OCLN: variants seen among roughly 807,000 people sequenced by gnomAD.
OCLN encodes the protein phosphatase 1, regulatory subunit 115.
In OCLN, 21 loss-of-function variants were observed where a neutral mutation model predicts 47.9. The ratio of observed to expected loss-of-function variants is 0.44; its 90% CI spans 0.31 to 0.63. The LOEUF is 0.63. Among genes scored for constraint, OCLN ranks in the 30% least tolerant of loss-of-function variants. The pLI is 0.08. For missense variants in OCLN, 360 were observed against 571.0 expected, an observed-to-expected ratio of 0.63 and a Z score of 3.77; for synonymous variants, 117 against 198.4, an observed-to-expected ratio of 0.59 and a Z score of 3.45.
At chr5:69,523,675 A>G (rs963811976) in intron 4 of OCLN, among the ~76,000 whole-genome samples, 20 of 151,980 alleles carry the variant, frequency 1.3e-4, no homozygotes, top group Non-Finnish European at 2.6e-4. Context: ...AGCTGGGATT[A>G]CAGGCATGTG....
intron 1 of OCLN, among the ~76,000 whole-genome samples, chr5:69,496,557 T>TA (rs1768298150): frequency 6.7e-6 from 1 of 150,170 alleles, no homozygotes; most frequent in Non-Finnish European, 1.5e-5. Flanking sequence ...TTTCTTTTTT[T>TA]ATACTTTTTT....
Position 69,509,611 on chromosome 5 carries a change from G to A in OCLN, c.521G>A (p.Ser174Asn), listed in dbSNP as rs1474472582. 2 of 1,614,202 alleles carry A rather than the reference G, an allele frequency of 1.2e-6. No individual in the cohort carries two copies. Among genetic ancestry groups the A allele is most frequent in the Non-Finnish European group, 1.7e-6 (2 of 1,180,026 alleles). The part of the protein sequence containing the change: ...EMSRTRRYYL[S>N]VIIVSAILGI... ...TCCAGAACAAGAAGATACTACTTAA[G>A]TGTGATAATAGTGAGTGCTATCCTG... Residue 174 changes from serine (S) to asparagine (N), a missense_variant, in exon 3 of 9, where the codon AGT becomes AAT. Physicochemically the swap from Ser to Asn is conservative, Grantham distance 46 (BLOSUM62 1). This residue lies in a region of OCLN where 314 missense variants were observed against 368.1 expected (regional missense o/e 0.85). Transcript: ENST00000396442.
intron 1 of OCLN, among the ~76,000 whole-genome samples, chr5:69,503,013 T>C (rs1160077141): frequency 1.3e-5 from 2 of 152,220 alleles, no homozygotes; most frequent in Non-Finnish European, 2.9e-5. Context: ...CTTGAGCATA[T>C]TACTTCACAT....
intron 3 of OCLN, among the ~76,000 whole-genome samples, chr5:69,513,427 GAT>G: frequency 6.6e-6 from 1 of 152,312 alleles, no homozygotes; most frequent in East Asian, 1.9e-4. Flanking sequence ...TTTTTGGTAA[GAT>G]AGAGATCTAT....
Position 69,509,315 on chromosome 5 carries a change from G to T in OCLN, c.225G>T (p.Met75Ile). 3.1e-6 allele frequency: 5 copies of T among 1,614,202 alleles called. No homozygotes were observed. The highest frequency in any genetic ancestry group is 4.2e-6 in the Non-Finnish European group (5 of 1,180,028). The change falls in exon 3 of 9, where the codon ATG (methionine) becomes ATT (isoleucine). Residue 75 changes from methionine (M) to isoleucine (I), a missense_variant. By Grantham distance (10) the Met-to-Ile change is conservative. This residue lies in a region of OCLN where 314 missense variants were observed against 368.1 expected (regional missense o/e 0.85). Transcript: ENST00000396442. Reference protein sequence around the residue: ...IRILSMLIIVMCIAIFACVAS... With the variant: ...IRILSMLIIVICIAIFACVAS... ...TCCTGTCTATGCTCATTATTGTGAT[G>T]TGCATTGCCATCTTTGCCTGTGTGG...
At chr5:69,494,975 T>C (rs1475761366) in intron 1 of OCLN, among the ~76,000 whole-genome samples, 2 of 152,218 alleles carry the variant, frequency 1.3e-5, no homozygotes, top group African/African-American at 4.8e-5. Context: ...CTAGTAACTG[T>C]AGCCTGATAC....
intron 1 of OCLN, among the ~76,000 whole-genome samples, chr5:69,501,405 G>A (rs1236777307): frequency 6.6e-6 from 1 of 151,990 alleles, no homozygotes; most frequent in Non-Finnish European, 1.5e-5. Context: ...CAAGGCAGGT[G>A]GATAGCTTGA....
At chr5:69,518,896 C>T (rs1317112291) in intron 4 of OCLN, among the ~76,000 whole-genome samples, 1 of 152,116 alleles carries the variant, frequency 6.6e-6, no homozygotes, top group African/African-American at 2.4e-5. Flanking sequence ...AATCCCAGTA[C>T]TTGCGAGGCC....
intron 4 of OCLN, among the ~76,000 whole-genome samples, chr5:69,523,578 C>T (rs973303511): frequency 6.6e-6 from 1 of 151,138 alleles, no homozygotes; most frequent in Non-Finnish European, 1.5e-5. Context: ...CTCTGTCACA[C>T]AGGCTAGAGT....
intron 4 of OCLN, among the ~76,000 whole-genome samples, chr5:69,524,121 T>G (rs1411113054): frequency 6.6e-6 from 1 of 152,182 alleles, no homozygotes; most frequent in Non-Finnish European, 1.5e-5. Flanking sequence ...CACTTCAGGC[T>G]GGGTGACAAA....
intron 1 of OCLN, among the ~76,000 whole-genome samples, chr5:69,495,194 C>CT (rs1261264034): frequency 6.6e-6 from 1 of 152,138 alleles, no homozygotes; most frequent in African/African-American, 2.4e-5. Flanking sequence ...ATTAATGGAT[C>CT]TTTTTCATCA....
chr5:69,521,075 G>A (rs993941781), intron 4 of OCLN, among the ~76,000 whole-genome samples: 16 of 151,760 alleles, frequency 1.1e-4, no homozygotes, highest in African/African-American at 3.9e-4. Flanking sequence ...GACCTCAGGC[G>A]ATCCACCCGC....
chr5:69,523,818 A>G (rs1769207446), intron 4 of OCLN, among the ~76,000 whole-genome samples: 1 of 151,256 alleles, frequency 6.6e-6, no homozygotes, highest in Non-Finnish European at 1.5e-5. Flanking sequence ...TTACAGGTGT[A>G]AGCCACCGTG....
chr5:69,556,998 CT>C lies in OCLN; in HGVS notation c.*3328del. ...GATTTGATGGAGGACTATGTCATCCCTCATGCGTTTCTTATTGTCTACATTT... is the reference window on the plus strand; with the variant it reads ...GATTTGATGGAGGACTATGTCATCCCCATGCGTTTCTTATTGTCTACATTT... On this transcript the variant is annotated 3_prime_UTR_variant, in exon 9 of 9. Transcript: ENST00000396442. 3.7e-5 allele frequency: 1 copy of C among 27,354 alleles called. No homozygotes were observed. The highest frequency in any genetic ancestry group is 3.7e-3 in the South Asian group (1 of 272). The allele number at this position is 27,354 out of a possible 1,614,324, so 1.7% of individuals were successfully genotyped here.
chr5:69,525,338 T>A, intron 4 of OCLN, among the ~76,000 whole-genome samples: 1 of 151,836 alleles, frequency 6.6e-6, no homozygotes. Flanking sequence ...TCTCCTGACC[T>A]CATGATCCGC....
chr5:69,503,034 C>G (rs543937037), intron 1 of OCLN, among the ~76,000 whole-genome samples: 3 of 152,326 alleles, frequency 2.0e-5, no homozygotes, highest in African/African-American at 7.2e-5. Flanking sequence ...CTCTTTCTGA[C>G]CCTCTTTGCA....
chr5:69,517,461 C>T (rs891986416), intron 4 of OCLN, among the ~76,000 whole-genome samples: 2 of 151,752 alleles, frequency 1.3e-5, no homozygotes, highest in Non-Finnish European at 2.9e-5. Flanking sequence ...TAGGTGCATA[C>T]CACCATGCCT....
chr5:69,492,717 A>C (rs935799013), upstream of OCLN: 2 of 152,562 alleles, frequency 1.3e-5, no homozygotes, highest in African/African-American at 2.4e-5. Context: ...GTTGGTGCGC[A>C]TGCCCGGGGG....
chr5:69,512,483 G>A lies in OCLN; in HGVS notation c.730-1465G>A, dbSNP rs577967386. On this transcript the variant is annotated intron_variant, in intron 3 of 8. Coordinates refer to ENST00000396442, the MANE Select transcript of OCLN (RefSeq NM_001205254.2). ...ATAGTAAGTTTTGAAATTGTGGAGT[G>A]GGAGTTCTCCAACTTTGTTCTTCAA... Among the ~76,000 whole-genome samples the A allele has an allele frequency of 2.6e-5, 4 of 152,224 alleles. No homozygotes were observed. In the East Asian group the frequency reaches 7.7e-4, roughly 29 times the overall value.
Sources: gnomAD v4.1 joint callset for allele counts (sites outside exome capture counted in the v4.1 genomes callset) on GRCh38, gnomAD v4.1.1 for gene constraint, gnomAD v4.1.1 regional missense constraint, MANE v1.5 for transcripts, NCBI Gene and HGNC (gene_info 2026-07-23, HGNC 2026-07-21) for gene names.